TIAM1: variants seen among roughly 807,000 people sequenced by gnomAD.
TIAM1 encodes rho guanine nucleotide exchange factor TIAM1.
In TIAM1, 65 loss-of-function variants were observed where a neutral mutation model predicts 163.5. The ratio of observed to expected loss-of-function variants is 0.40; its 90% CI spans 0.33 to 0.49. The LOEUF is 0.49. Ranked by LOEUF, TIAM1 falls within the 20% of genes least tolerant of loss-of-function variation. The probability of loss-of-function intolerance (pLI) is 0.77; values close to 1 mark genes in which losing one functional copy is unlikely to be tolerated. For synonymous variants in TIAM1, 833 were observed against 810.1 expected (o/e 1.03, Z -0.48); for missense variants, 1,789 against 2,044.7 (o/e 0.87, Z 2.41).
chr21:31,439,891 T>C (rs1263206403), intron 2 of TIAM1, among the ~76,000 whole-genome samples: 1 of 152,186 alleles, frequency 6.6e-6, no homozygotes, highest in Admixed American at 6.5e-5. Context: ...ACTGGTTGTC[T>C]AAGAATATAA....
chr21:31,165,600 TAA>T (rs1243683750), intron 15 of TIAM1, among the ~76,000 whole-genome samples: 1 of 152,092 alleles, frequency 6.6e-6, no homozygotes, highest in African/African-American at 2.4e-5. Context: ...CCATGAGAAA[TAA>T]ATGAGTGTTG....
intron 1 of TIAM1, among the ~76,000 whole-genome samples, chr21:31,476,223 C>G (rs1387274721): frequency 6.6e-6 from 1 of 152,196 alleles, no homozygotes; most frequent in East Asian, 1.9e-4. Flanking sequence ...CAATGATTCT[C>G]AACAATGAAA....
chr21:31,280,147 C>T (rs2073484475), intron 2 of TIAM1, among the ~76,000 whole-genome samples: 1 of 152,174 alleles, frequency 6.6e-6, no homozygotes, highest in African/African-American at 2.4e-5. Context: ...GTTTTTCAGT[C>T]TCACTCTGAG....
intron 2 of TIAM1, among the ~76,000 whole-genome samples, chr21:31,457,929 C>T (rs2045169444): frequency 6.6e-6 from 1 of 152,196 alleles, no homozygotes; most frequent in Non-Finnish European, 1.5e-5. Flanking sequence ...GCACAGACTG[C>T]ACCACAAAGT....
At chr21:31,181,387 G>A (rs1313133573) in intron 15 of TIAM1, among the ~76,000 whole-genome samples, 2 of 152,096 alleles carry the variant, frequency 1.3e-5, no homozygotes, top group Non-Finnish European at 2.9e-5. Context: ...GGTTGTGGGG[G>A]CCCAGAGGAG....
At chr21:31,371,337 G>C (rs1038238054) in intron 2 of TIAM1, among the ~76,000 whole-genome samples, 1 of 152,192 alleles carries the variant, frequency 6.6e-6, no homozygotes, top group Non-Finnish European at 1.5e-5. Context: ...CAGGAAGGGG[G>C]CTAAGAGCTC....
chr21:31,183,860 A>AT (rs1232036141), intron 14 of TIAM1, among the ~76,000 whole-genome samples: 1 of 151,026 alleles, frequency 6.6e-6, no homozygotes, highest in Non-Finnish European at 1.5e-5. Flanking sequence ...ACGCCCAGCT[A>AT]TTTTTTGTAT....
rs1345309947 is a variant in TIAM1 at position 31,153,050 on chromosome 21, A to G, written c.3240+16T>C. ...ACGGTATGATGGTCACAAAGTTGAA[A>G]CCATTTCCAGCATACCTCATCCTGG... is the stretch of plus-strand genomic sequence containing the variant. On this transcript the variant is annotated intron_variant, in intron 18 of 27. Coordinates refer to ENST00000541036, the MANE Select transcript of TIAM1 (RefSeq NM_001353694.2). 2 of 1,610,826 alleles carry G rather than the reference A, an allele frequency of 1.2e-6. No individual in the cohort carries two copies. The highest frequency in any genetic ancestry group is 2.2e-5 in the East Asian group (1 of 44,844).
At chr21:31,163,568 GA>G (rs1256918448) in intron 16 of TIAM1, among the ~76,000 whole-genome samples, 3 of 152,066 alleles carry the variant, frequency 2.0e-5, no homozygotes, top group Non-Finnish European at 4.4e-5. Flanking sequence ...TCAGGAAAGA[GA>G]AACAAATATG....
intron 2 of TIAM1, among the ~76,000 whole-genome samples, chr21:31,279,448 A>G (rs2073447525): frequency 6.6e-6 from 1 of 152,248 alleles, no homozygotes; most frequent in Admixed American, 6.5e-5. Flanking sequence ...GTTTTCTCCA[A>G]GAGCTGCAAA....
rs544964921 is a variant in TIAM1, at chr21:31,365,824, C to T, written c.-368-26402G>A. ...TCACTGTCAAAGTATGACATAAGGCCGGGCACGGAGGCTTATGCCTGTAAT... is the reference window on the plus strand; with the variant it reads ...TCACTGTCAAAGTATGACATAAGGCTGGGCACGGAGGCTTATGCCTGTAAT... On this transcript the variant is annotated intron_variant, in intron 2 of 28. Transcript: ENST00000286827. 4.6e-5 allele frequency among the ~76,000 whole-genome samples: 7 copies of T among 151,742 alleles called. No individual in the cohort carries two copies. In the South Asian group the frequency reaches 1.3e-3, roughly 27 times the overall value.
Position 31,377,178 on chromosome 21 carries a change from T to A in TIAM1, c.-368-37756A>T, listed in dbSNP as rs561535340. On this transcript the variant is annotated intron_variant, in intron 2 of 28. Coordinates refer to the TIAM1 transcript ENST00000286827. ...ACAGGTGTGAGCCACTGCACCTGGC[T>A]GAAACTTTTTTTTTTTTTTTTTTTA... Among the ~76,000 whole-genome samples the A allele has an allele frequency of 3.0e-3, 238 of 79,744 alleles. 1 individual carries two copies. The highest frequency in any genetic ancestry group is 0.012 in the African/African-American group (233 of 19,300). The allele number at this position is 79,744 out of a possible 152,430, so 52.3% of individuals were successfully genotyped here.
At chr21:31,293,131 A>G (rs577257990) in intron 2 of TIAM1, among the ~76,000 whole-genome samples, 30 of 152,282 alleles carry the variant, frequency 2.0e-4, no homozygotes, top group Non-Finnish European at 4.1e-4. Flanking sequence ...GCCAAGATTT[A>G]CTTTAAAGAA....
At chr21:31,164,245 C>T (rs964678697) in intron 16 of TIAM1, among the ~76,000 whole-genome samples, 11 of 152,120 alleles carry the variant, frequency 7.2e-5, no homozygotes, top group Non-Finnish European at 1.5e-4. Flanking sequence ...AAAAAATTAG[C>T]AGGGCGTGGT....
At chr21:31,332,696 G>A (rs2075714452) in intron 2 of TIAM1, among the ~76,000 whole-genome samples, 1 of 149,054 alleles carries the variant, frequency 6.7e-6, no homozygotes, top group Admixed American at 6.7e-5. Context: ...ACCACCCAGA[G>A]AAAATGCTCA....
intron 2 of TIAM1, among the ~76,000 whole-genome samples, chr21:31,438,578 C>T (rs142948521): frequency 6.6e-5 from 10 of 152,234 alleles, no homozygotes; most frequent in Admixed American, 1.3e-4. Context: ...TGTGCACAAA[C>T]GTACCATCAG....
At chr21:31,257,826 T>C (rs942824013) in intron 4 of TIAM1, among the ~76,000 whole-genome samples, 9 of 152,088 alleles carry the variant, frequency 5.9e-5, no homozygotes, top group African/African-American at 9.7e-5. Flanking sequence ...TCCCCCCTTT[T>C]ACTACAACCA....
chr21:31,203,391 G>A (rs2086300485), intron 11 of TIAM1, among the ~76,000 whole-genome samples: 1 of 152,220 alleles, frequency 6.6e-6, no homozygotes, highest in African/African-American at 2.4e-5. Flanking sequence ...CCAAAGTGCT[G>A]GGATTACAGG....
chr21:31,438,267 C>T (rs1028374855), intron 2 of TIAM1, among the ~76,000 whole-genome samples: 2 of 147,684 alleles, frequency 1.4e-5, no homozygotes, highest in African/African-American at 5.1e-5. Context: ...TCTGGGCCCA[C>T]CACAACCTCC....
Sources: allele counts gnomAD v4.1 joint callset (sites outside exome capture counted in the v4.1 genomes callset), GRCh38; gene constraint gnomAD v4.1.1; transcripts MANE v1.5; gene names NCBI Gene and HGNC (gene_info 2026-07-23, HGNC 2026-07-21).